Variants in SQOR observed in about 807,000 individuals in gnomAD.
SQOR encodes the protein sulfide quinone oxidoreductase.
A neutral mutation model predicts 48.6 loss-of-function variants in SQOR; 39 were observed. The observed-to-expected ratio is 0.80, with a 90% CI of 0.62 to 1.05. The LOEUF (loss-of-function observed/expected upper bound fraction) is 1.05. SQOR is among the 50% of genes least tolerant of loss of function. The probability of loss-of-function intolerance (pLI) is 0.00; values close to 1 mark genes in which losing one functional copy is unlikely to be tolerated. For synonymous variants in SQOR, 220 were observed against 206.2 expected, an observed-to-expected ratio of 1.07 and a Z score of -0.57; for missense variants, 561 against 559.9, an observed-to-expected ratio of 1.00 and a Z score of -0.02.
chr15:45,637,325 A>G (rs1895022759), intron 1 of SQOR, among the ~76,000 whole-genome samples: 1 of 152,192 alleles, frequency 6.6e-6, no homozygotes, highest in African/African-American at 2.4e-5. Context: ...AGTGGAGATA[A>G]TAACACCTTC....
intron 3 of SQOR, among the ~76,000 whole-genome samples, chr15:45,666,516 G>A (rs536346409): frequency 1.3e-5 from 2 of 152,242 alleles, no homozygotes; most frequent in South Asian, 2.1e-4. Flanking sequence ...AAGTTGTTGT[G>A]AGTGTTAAAT....
intron 1 of SQOR, among the ~76,000 whole-genome samples, chr15:45,651,724 C>T (rs1176982014): frequency 6.6e-6 from 1 of 152,208 alleles, no homozygotes; most frequent in Admixed American, 6.5e-5. Flanking sequence ...CCACCTGGGC[C>T]TCCCAAAGTG....
chr15:45,683,836 ATTATGTATG>A (rs1407201823), intron 7 of SQOR, among the ~76,000 whole-genome samples: 1 of 151,912 alleles, frequency 6.6e-6, no homozygotes, highest in East Asian at 1.9e-4. Context: ...ATATATGTAT[ATTATGTATG>A]TATATATTAT....
intron 2 of SQOR, among the ~76,000 whole-genome samples, chr15:45,661,680 A>G (rs1203409883): frequency 6.6e-6 from 1 of 152,228 alleles, no homozygotes; most frequent in Non-Finnish European, 1.5e-5. Flanking sequence ...TAAACACCAA[A>G]TCAACTTTCA....
chr15:45,633,853 G>T (rs937216701), upstream of SQOR, among the ~76,000 whole-genome samples: 1 of 151,586 alleles, frequency 6.6e-6, no homozygotes, highest in African/African-American at 2.4e-5. Context: ...ATTAAAGATA[G>T]AAAGTATCAG....
rs552660268 is a variant in SQOR at position 45,676,678 on chromosome 15, G to C, written c.864+368G>C. On this transcript the variant is annotated intron_variant, in intron 6 of 9. Coordinates refer to ENST00000260324, the MANE Select transcript of SQOR (RefSeq NM_021199.4). ...TCCTCGAATGCAAGATCTGGTGATTGTCTCAATTGGTGGCATGTGAGAAAC... is the reference window on the plus strand; with the variant it reads ...TCCTCGAATGCAAGATCTGGTGATTCTCTCAATTGGTGGCATGTGAGAAAC... Among the ~76,000 whole-genome samples the C allele has an allele frequency of 2.0e-5, 3 of 152,338 alleles. No homozygotes were observed. In the South Asian group the frequency reaches 6.2e-4, roughly 32 times the overall value.
intron 1 of SQOR, among the ~76,000 whole-genome samples, chr15:45,643,889 G>A (rs1273761315): frequency 6.6e-6 from 1 of 152,054 alleles, no homozygotes; most frequent in Non-Finnish European, 1.5e-5. Context: ...ATAGAATGGA[G>A]GATAGTATAT....
intron 1 of SQOR, among the ~76,000 whole-genome samples, chr15:45,642,255 A>C (rs1422522225): frequency 1.3e-5 from 2 of 152,204 alleles, no homozygotes; most frequent in African/African-American, 2.4e-5. Flanking sequence ...GCAGGTAACA[A>C]ATGAACAACA....
At chr15:45,670,992 A>G (rs1309870794) in intron 4 of SQOR, among the ~76,000 whole-genome samples, 1 of 152,228 alleles carries the variant, frequency 6.6e-6, no homozygotes, top group Admixed American at 6.5e-5. Flanking sequence ...ATGCGTCTCC[A>G]TGGTACTGTC....
At chr15:45,681,169 C>T (rs1890121689) in intron 6 of SQOR, among the ~76,000 whole-genome samples, 1 of 152,216 alleles carries the variant, frequency 6.6e-6, no homozygotes, top group Admixed American at 6.5e-5. Context: ...AGCCACTGTC[C>T]TCCAGTCTGG....
chr15:45,642,823 T>C (rs74009657), intron 1 of SQOR, among the ~76,000 whole-genome samples: 39,865 of 151,844 alleles, frequency 0.26, 6,568 homozygotes, highest in East Asian at 0.64. Flanking sequence ...TCCCACGTCT[T>C]CCGAAATTAT....
chr15:45,649,520 G>A (rs1460972624), intron 1 of SQOR, among the ~76,000 whole-genome samples: 1 of 152,054 alleles, frequency 6.6e-6, no homozygotes, highest in Non-Finnish European at 1.5e-5. Flanking sequence ...CTGTTGCCCA[G>A]GCTGGAGTGC....
At chr15:45,675,671 A>T (rs1890023633) in intron 5 of SQOR, among the ~76,000 whole-genome samples, 2 of 152,102 alleles carry the variant, frequency 1.3e-5, no homozygotes, top group African/African-American at 4.8e-5. Context: ...AAGTGCTAGG[A>T]TTACAGGTGT....
rs144564996 is a variant in SQOR at position 45,649,851 on chromosome 15, T to C, written c.-17-9056T>C. 5.3e-3 allele frequency among the ~76,000 whole-genome samples: 797 copies of C among 151,570 alleles called. 4 individuals carry two copies. Among genetic ancestry groups the C allele is most frequent in the African/African-American group, 0.019 (768 of 41,254 alleles). On this transcript the variant is annotated intron_variant, in intron 1 of 9. Transcript: ENST00000260324. ...GGATATGGGCAATGCTTTTTGTTGT[T>C]GTTGTTTTTGTGTGTGTTTTTTTGA...
At chr15:45,668,163 C>T (rs1889872638) in intron 3 of SQOR, among the ~76,000 whole-genome samples, 1 of 151,952 alleles carries the variant, frequency 6.6e-6, no homozygotes, top group Non-Finnish European at 1.5e-5. Context: ...CCAGGCTGGT[C>T]TCGAACTCCT....
chr15:45,646,165 C>T lies in SQOR; in HGVS notation c.-18+11057C>T, dbSNP rs778323417. ...CCCAGATCTGCCCCTGCTTAGAGGCCGGCCCCTCTAGGAGACAGCATGTGG... is the reference window on the plus strand; with the variant it reads ...CCCAGATCTGCCCCTGCTTAGAGGCTGGCCCCTCTAGGAGACAGCATGTGG... On this transcript the variant is annotated intron_variant, in intron 1 of 9. Transcript: ENST00000260324. Among the ~76,000 whole-genome samples, 202 of 152,192 alleles carry T rather than the reference C, an allele frequency of 1.3e-3. 2 individuals carry two copies. Among genetic ancestry groups the T allele is most frequent in the Non-Finnish European group, 3.1e-4 (21 of 68,022 alleles).
intron 1 of SQOR, among the ~76,000 whole-genome samples, chr15:45,645,647 A>T (rs1016403221): frequency 1.3e-5 from 2 of 152,216 alleles, no homozygotes; most frequent in Non-Finnish European, 1.5e-5. Flanking sequence ...CAACTGAAAC[A>T]TGGCTTGTCC....
In SQOR at chr15:45,689,090, C is replaced by T; in HGVS notation, c.1168C>T (p.Leu390Phe). The T allele has an allele frequency of 6.2e-7, 1 of 1,614,140 alleles. No individual in the cohort carries two copies. The highest frequency in any genetic ancestry group is 8.5e-7 in the Non-Finnish European group (1 of 1,180,018). ...GGTGACCGGCTACAACCGTGTGATT[C>T]TTGCTGAGTTTGACTACAAAGCAGA... is the stretch of plus-strand genomic sequence containing the variant. ...PLVTGYNRVI[L>F]AEFDYKAEPL... The change falls in exon 9 of 10, where the codon CTT becomes TTT. Residue 390 changes from leucine to phenylalanine, a missense_variant. Transcript: ENST00000260324.
chr15:45,662,596 G>A (rs1889740998), intron 3 of SQOR, among the ~76,000 whole-genome samples: 1 of 152,166 alleles, frequency 6.6e-6, no homozygotes, highest in Admixed American at 6.5e-5. Context: ...TGACTCTGAG[G>A]TTCATGCCAG....
Sources: allele counts gnomAD v4.1 joint callset (sites outside exome capture counted in the v4.1 genomes callset), GRCh38; gene constraint gnomAD v4.1.1; transcripts MANE v1.5; gene names NCBI Gene and HGNC (gene_info 2026-07-23, HGNC 2026-07-21).